The following CEP112 variants were observed in gnomAD, a reference collection of about 807,000 sequenced individuals.
CEP112 encodes centrosomal protein of 112 kDa.
Under a neutral mutation model 153.0 loss-of-function variants are expected in CEP112, and 127 were observed. That is an observed-to-expected ratio of 0.83 (90% CI 0.72 to 0.96). CEP112 has a LOEUF of 0.96. CEP112 is among the 40% of genes least tolerant of loss of function. The pLI is 0.00. For synonymous variants in CEP112, 358 were observed against 374.4 expected, an observed-to-expected ratio of 0.96 and a Z score of 0.51; for missense variants, 1,089 against 1,101.2, an observed-to-expected ratio of 0.99 and a Z score of 0.16.
chr17:65,695,030 C>T (rs1220594000), intron 23 of CEP112, among the ~76,000 whole-genome samples: 2 of 152,218 alleles, frequency 1.3e-5, no homozygotes, highest in Admixed American at 6.5e-5. Flanking sequence ...AAAGACAGTT[C>T]TTTTCTCCCA....
In CEP112 at chr17:65,851,819, C is replaced by T; in HGVS notation, c.2379G>A (p.Glu793=). Residue 793 remains glutamate, a synonymous_variant, in exon 21 of 27, where the codon GAG becomes GAA. Coordinates refer to ENST00000535342, the MANE Select transcript of CEP112 (RefSeq NM_001199165.4). ...ELKKTHAAET[E]MTLEKANSKL... ...AATATCTTACCTTTTCCAGTGTCAT[C>T]TCTGTCTCAGCAGCATGAGTCTTTT... is the stretch of plus-strand genomic sequence containing the variant. 6.2e-7 allele frequency: 1 copy of T among 1,612,096 alleles called. No homozygotes were observed. The highest frequency in any genetic ancestry group is 8.5e-7 in the Non-Finnish European group (1 of 1,179,272).
At chr17:65,863,210 A>G (rs1228224725) in intron 20 of CEP112, among the ~76,000 whole-genome samples, 2 of 152,196 alleles carry the variant, frequency 1.3e-5, no homozygotes, top group African/African-American at 4.8e-5. Flanking sequence ...TCCTAATATT[A>G]TTTTGTAAAT....
At chr17:66,035,489 G>C (rs2065699196) in intron 12 of CEP112, among the ~76,000 whole-genome samples, 1 of 152,170 alleles carries the variant, frequency 6.6e-6, no homozygotes, top group Non-Finnish European at 1.5e-5. Context: ...CTTGTGCACT[G>C]CTGGTGAGAA....
chr17:66,129,806 T>C lies in CEP112; in HGVS notation c.582A>G (p.Lys194=). The stretch of plus-strand genomic sequence containing the variant: ...CACTATCATCCAAAGAAACAGGAGA[T>C]TTTTTCGAATAAACTTCCTGAAATA... ...TPKICEVYSK[K]SPVSLDDSDI... Residue 194 remains lysine (K), a synonymous_variant, in exon 6 of 27, where the codon AAA becomes AAG. Coordinates refer to ENST00000535342, the MANE Select transcript of CEP112 (RefSeq NM_001199165.4). 6.2e-7 allele frequency: 1 copy of C among 1,609,180 alleles called. No homozygotes were observed. The highest frequency in any genetic ancestry group is 8.5e-7 in the Non-Finnish European group (1 of 1,177,606).
intron 16 of CEP112, among the ~76,000 whole-genome samples, chr17:66,024,051 G>T (rs1247679269): frequency 1.3e-5 from 2 of 152,114 alleles, no homozygotes; most frequent in African/African-American, 2.4e-5. Context: ...CACATAAACT[G>T]AATTAATGGC....
chr17:65,733,945 G>C (rs1275891755), intron 23 of CEP112, among the ~76,000 whole-genome samples: 1 of 152,166 alleles, frequency 6.6e-6, no homozygotes, highest in Non-Finnish European at 1.5e-5. Flanking sequence ...AACTTCTTTG[G>C]GAACAAAACC....
intron 4 of CEP112, among the ~76,000 whole-genome samples, chr17:66,166,912 A>AAAAAAAAC (rs1555818968): frequency 8.6e-5 from 13 of 150,762 alleles, no homozygotes; most frequent in South Asian, 2.1e-4. Flanking sequence ...TCAAAAAAAA[A>AAAAAAAAC]AAAAAAAAAA....
chr17:66,189,052 A>T (rs1486565044), intron 1 of CEP112, among the ~76,000 whole-genome samples: 3 of 152,228 alleles, frequency 2.0e-5, no homozygotes, highest in African/African-American at 7.2e-5. Context: ...GTTAGTGTTT[A>T]ACATTAGAGG....
chr17:65,833,022 G>T (rs11658028), intron 21 of CEP112, among the ~76,000 whole-genome samples: 1 of 152,000 alleles, frequency 6.6e-6, no homozygotes, highest in East Asian at 1.9e-4. Flanking sequence ...TCAAGTAGAC[G>T]TCATCCCCAG....
intron 18 of CEP112, among the ~76,000 whole-genome samples, chr17:65,937,548 CCCCG>C (rs2061366528): frequency 8.6e-6 from 1 of 115,972 alleles, no homozygotes. Flanking sequence ...CGGCCAGCCG[CCCCG>C]TCCGGGAGGG....
intron 21 of CEP112, among the ~76,000 whole-genome samples, chr17:65,789,718 TC>T (rs2054486903): frequency 1.3e-5 from 2 of 151,596 alleles, no homozygotes; most frequent in South Asian, 4.2e-4. Context: ...CCACAAAACC[TC>T]AAGAAATCTC....
chr17:65,984,243 T>C (rs892548954), intron 17 of CEP112, among the ~76,000 whole-genome samples: 1 of 152,208 alleles, frequency 6.6e-6, no homozygotes, highest in African/African-American at 2.4e-5. Context: ...CATAAAATGT[T>C]GTCTCTATGA....
chr17:65,997,746 A>G (rs35537225), intron 17 of CEP112, among the ~76,000 whole-genome samples: 62,065 of 151,016 alleles, frequency 0.41, 14,174 homozygotes, highest in East Asian at 0.87. Context: ...TATAAATATA[A>G]TGTCTAGATC....
chr17:65,778,277 G>T lies in CEP112; in HGVS notation c.2395-27553C>A, dbSNP rs190918842. Among the ~76,000 whole-genome samples, 55 of 152,322 alleles carry T rather than the reference G, an allele frequency of 3.6e-4. 1 individual carries two copies. In the East Asian group the frequency reaches 9.6e-3, roughly 27 times the overall value. On this transcript the variant is annotated intron_variant, in intron 21 of 26. Transcript: ENST00000535342. The stretch of plus-strand genomic sequence containing the variant: ...ACCAATAACTGCTGAATGAATGGAG[G>T]AATGAATGAATGTTTTCTAATATGG...
rs55652336 is a variant in CEP112 at position 65,956,409 on chromosome 17, T to TAC, written c.1872+5052_1872+5053dup. 6.1e-3 allele frequency among the ~76,000 whole-genome samples: 897 copies of TAC among 146,704 alleles called. 5 individuals are homozygous for TAC. The highest frequency in any genetic ancestry group is 0.017 in the African/African-American group (668 of 39,916). On this transcript the variant is annotated intron_variant, in intron 18 of 26. Transcript: ENST00000535342. ...ATTATGATATATATACATACATACATACACACACACACACACACACACACA... is the reference window on the plus strand; with the variant it reads ...ATTATGATATATATACATACATACATACACACACACACACACACACACACACA...
chr17:66,039,221 T>TGACATAATACAA (rs2065870573), intron 12 of CEP112, among the ~76,000 whole-genome samples: 1 of 152,164 alleles, frequency 6.6e-6, no homozygotes, highest in Non-Finnish European at 1.5e-5. Context: ...ATAAAATGTC[T>TGACATAATACAA]CATGGTCTTT....
intron 23 of CEP112, among the ~76,000 whole-genome samples, chr17:65,715,838 G>T (rs756321648): frequency 1.3e-5 from 2 of 152,162 alleles, no homozygotes; most frequent in African/African-American, 4.8e-5. Context: ...ATGCCGATCA[G>T]GGGAGTTAGG....
chr17:65,803,481 T>C (rs2055402142), intron 21 of CEP112, among the ~76,000 whole-genome samples: 1 of 152,244 alleles, frequency 6.6e-6, no homozygotes, highest in Non-Finnish European at 1.5e-5. Context: ...AAAACAAAAG[T>C]ATCTCAAATT....
At chr17:65,746,693 T>C (rs572279531) in intron 22 of CEP112, among the ~76,000 whole-genome samples, 64 of 152,082 alleles carry the variant, frequency 4.2e-4, no homozygotes, top group Non-Finnish European at 7.8e-4. Context: ...TGGTAAGTAA[T>C]AAAAAGCCAT....
Sources: allele counts gnomAD v4.1 joint callset (sites outside exome capture counted in the v4.1 genomes callset), GRCh38; gene constraint gnomAD v4.1.1; transcripts MANE v1.5; gene names NCBI Gene and HGNC (gene_info 2026-07-23, HGNC 2026-07-21).